The following ZNF723 variants were observed in gnomAD, a reference collection of about 807,000 sequenced individuals.
ZNF723 encodes the protein zinc finger protein 723, pseudogene.
A neutral mutation model predicts 9.4 loss-of-function variants in ZNF723; 5 were observed. That is an observed-to-expected ratio of 0.53 (90% confidence interval 0.28 to 1.12). The LOEUF (loss-of-function observed/expected upper bound fraction) is 1.12. Ranked by LOEUF, ZNF723 falls within the 50% of genes most tolerant of loss-of-function variation. The pLI, the probability that ZNF723 is intolerant of heterozygous loss-of-function variation, is 0.10. For synonymous variants in ZNF723, 158 were observed against 168.8 expected, an observed-to-expected ratio of 0.94 and a Z score of 0.49; for missense variants, 450 against 501.5, an observed-to-expected ratio of 0.90 and a Z score of 0.98.
intron 3 of ZNF723, among the ~76,000 whole-genome samples, chr19:22,854,571 C>A (rs940850314): frequency 2.6e-5 from 4 of 151,546 alleles, no homozygotes; most frequent in Non-Finnish European, 5.9e-5. Flanking sequence ...TATCTTTGTC[C>A]CTCATTTTCT....
Position 22,857,650 on chromosome 19 carries a change from A to T in ZNF723, c.759A>T (p.Gly253=), listed in dbSNP as rs1967500102. 2 of 1,269,348 alleles carry T rather than the reference A, an allele frequency of 1.6e-6. No homozygotes were observed. Among genetic ancestry groups the T allele is most frequent in the East Asian group, 4.6e-5 (2 of 43,272 alleles). 78.6% of individuals were successfully genotyped at this position (1,269,348 alleles called of 1,614,324 possible). ...SLNNHKRIHT[G]EKPYKCEECG... ...ATAATCATAAGAGAATTCATACTGGAGAGAAACCCTACAAATGTGAAGAAT... is the reference window on the plus strand; with the variant it reads ...ATAATCATAAGAGAATTCATACTGGTGAGAAACCCTACAAATGTGAAGAAT... The change falls in exon 4 of 4, where the codon GGA becomes GGT. Residue 253 remains glycine, a synonymous_variant. Transcript: ENST00000600766.
chr19:22,814,096 G>A, the ZNF723 span, among the ~76,000 whole-genome samples: 1 of 152,124 alleles, frequency 6.6e-6, no homozygotes, highest in African/African-American at 2.4e-5. Flanking sequence ...ATAGGTGTAA[G>A]CCACCACGCC....
At chr19:22,854,154 T>TACACAC (rs71163412) in intron 3 of ZNF723, among the ~76,000 whole-genome samples, 3 of 149,798 alleles carry the variant, frequency 2.0e-5, no homozygotes, top group South Asian at 2.1e-4. Flanking sequence ...AAATGTGAGA[T>TACACAC]ACACACACAC....
At chr19:22,838,138 C>T (rs887259454) in intron 1 of ZNF723, among the ~76,000 whole-genome samples, 1 of 152,112 alleles carries the variant, frequency 6.6e-6, no homozygotes, top group Admixed American at 6.5e-5. Context: ...AGCATAACAC[C>T]AAACAGATTT....
chr19:22,846,624 A>C (rs541786928), intron 1 of ZNF723, among the ~76,000 whole-genome samples: 11 of 152,258 alleles, frequency 7.2e-5, no homozygotes, highest in Admixed American at 2.0e-4. Flanking sequence ...CTCTGTCTCA[A>C]GAAAAAATGA....
At chr19:22,832,268 C>A (rs941369672), upstream of ZNF723, 6 of 1,125,876 alleles carry the variant, frequency 5.3e-6, no homozygotes, top group Non-Finnish European at 7.6e-6. Context: ...GCGGACAGGG[C>A]GGCTTCCGGG....
intron 1 of ZNF723, among the ~76,000 whole-genome samples, chr19:22,841,676 G>C (rs1967247147): frequency 1.3e-5 from 2 of 152,032 alleles, no homozygotes; most frequent in Admixed American, 6.6e-5. Flanking sequence ...ACCTCTTTTA[G>C]TGACTGTTGT....
At chr19:22,846,548 G>A (rs866287895) in intron 1 of ZNF723, among the ~76,000 whole-genome samples, 2 of 152,084 alleles carry the variant, frequency 1.3e-5, no homozygotes, top group African/African-American at 2.4e-5. Flanking sequence ...GCTTGAACCC[G>A]GGAGGTGGAG....
intron 3 of ZNF723, among the ~76,000 whole-genome samples, chr19:22,852,126 C>A (rs1967406238): frequency 6.6e-6 from 1 of 152,024 alleles, no homozygotes; most frequent in Admixed American, 6.6e-5. Context: ...GTAAAGTTCT[C>A]AGTTTTTGTT....
At chr19:22,834,250 CT>C (rs952355609) in intron 1 of ZNF723, among the ~76,000 whole-genome samples, 111 of 146,346 alleles carry the variant, frequency 7.6e-4, no homozygotes, top group African/African-American at 1.6e-3. Flanking sequence ...TTTAATTAAT[CT>C]TTTTTTTTTT....
chr19:22,858,015 G>T lies in ZNF723; in HGVS notation c.1124G>T (p.Gly375Val). Residue 375 changes from glycine (G) to valine (V), a missense_variant, in exon 4 of 4, where the codon GGC becomes GTC. Gly to Val is a moderately radical substitution (Grantham distance 109, BLOSUM62 -3). Around this residue, in one of 5 missense-constraint regions of ZNF723, gnomAD observed 237 missense variants for 332.2 expected, o/e 0.71. Transcript: ENST00000600766. ...GEKPYKCEEC[G>V]KAFKVSVHLT... ...AAACCCTACAAATGTGAAGAATGTG[G>T]CAAAGCTTTTAAAGTATCTGTACAC... The T allele has an allele frequency of 6.5e-7, 1 of 1,544,646 alleles. No homozygotes were observed. The highest frequency in any genetic ancestry group is 8.9e-7 in the Non-Finnish European group (1 of 1,118,150).
the ZNF723 span, among the ~76,000 whole-genome samples, chr19:22,817,063 C>A: frequency 6.6e-6 from 1 of 152,260 alleles, no homozygotes; most frequent in Non-Finnish European, 1.5e-5. Context: ...TGACTCTCCT[C>A]TTTTTCCTGG....
intron 1 of ZNF723, among the ~76,000 whole-genome samples, chr19:22,836,222 C>T (rs915557773): frequency 3.3e-5 from 5 of 152,050 alleles, no homozygotes; most frequent in African/African-American, 4.8e-5. Context: ...GCTTTTATTC[C>T]GAGAGAAGCT....
the ZNF723 span, among the ~76,000 whole-genome samples, chr19:22,813,717 G>T: frequency 6.6e-6 from 1 of 151,998 alleles, no homozygotes; most frequent in East Asian, 1.9e-4. Context: ...CTCCCGCCTG[G>T]ATGACAGAGT....
In ZNF723 at chr19:22,842,942, T is replaced by G. The variant is rs561203635; in HGVS notation, c.4-5319T>G. 8.5e-5 allele frequency among the ~76,000 whole-genome samples: 13 copies of G among 152,358 alleles called. No individual in the cohort carries two copies. In the South Asian group the frequency reaches 2.5e-3, roughly 29 times the overall value. Reference sequence around the variant, plus strand: ...GTGATTCTTTCAGCTTCTCAGATCTTGTCCAGTGACCTGCTACAGTTATGT... The same window carrying G: ...GTGATTCTTTCAGCTTCTCAGATCTGGTCCAGTGACCTGCTACAGTTATGT... On this transcript the variant is annotated intron_variant, in intron 1 of 3. Coordinates refer to ENST00000600766, the MANE Select transcript of ZNF723 (RefSeq NM_001349726.2).
intron 3 of ZNF723, among the ~76,000 whole-genome samples, chr19:22,850,924 A>G (rs1056536061): frequency 2.0e-4 from 31 of 152,280 alleles, no homozygotes; most frequent in Non-Finnish European, 4.0e-4. Flanking sequence ...AACATCTTAA[A>G]GTTAAAACAA....
the ZNF723 span, among the ~76,000 whole-genome samples, chr19:22,825,256 C>T: frequency 6.6e-6 from 1 of 152,156 alleles, no homozygotes; most frequent in African/African-American, 2.4e-5. Context: ...AGGACACCGT[C>T]CTTGGGTGGG....
chr19:22,826,305 A>G, the ZNF723 span, among the ~76,000 whole-genome samples: 1 of 151,656 alleles, frequency 6.6e-6, no homozygotes, highest in Non-Finnish European at 1.5e-5. Context: ...ACATATACCT[A>G]TGCCCGGCTA....
At chr19:22,817,943 C>T in the ZNF723 span, among the ~76,000 whole-genome samples, 28,252 of 151,974 alleles carry the variant, frequency 0.19, 3,253 homozygotes, top group African/African-American at 0.33. Context: ...TTGATACTCT[C>T]ATGAATAAAC....
Sources: gnomAD v4.1 joint callset for allele counts (sites outside exome capture counted in the v4.1 genomes callset) on GRCh38, gnomAD v4.1.1 for gene constraint, gnomAD v4.1.1 regional missense constraint, MANE v1.5 for transcripts, NCBI Gene and HGNC (gene_info 2026-07-23, HGNC 2026-07-21) for gene names.